NLRP1: variants seen among roughly 807,000 people sequenced by gnomAD.
NLRP1 encodes the protein NLR family pyrin domain containing 1, also known as NACHT, LRR and PYD domains-containing protein 1.
NLRP1 carries 94 observed loss-of-function variants against 136.7 expected under a neutral mutation model. That is an observed-to-expected ratio of 0.69 (90% confidence interval 0.58 to 0.82). The LOEUF (loss-of-function observed/expected upper bound fraction) is 0.82, where lower values mean the gene tolerates loss of function less well. Ranked by LOEUF, NLRP1 falls within the 40% of genes least tolerant of loss-of-function variation. NLRP1 has a pLI of 0.00. For synonymous variants in NLRP1, 690 were observed against 725.1 expected (o/e 0.95, Z 0.78); for missense variants, 1,575 against 1,802.7 (o/e 0.87, Z 2.29).
Position 5,558,474 on chromosome 17 carries a change from A to C in NLRP1, c.2222T>G (p.Met741Arg), listed in dbSNP as rs780452954. The C allele has an allele frequency of 6.2e-7, 1 of 1,614,020 alleles. No homozygotes were observed. The highest frequency in any genetic ancestry group is 8.5e-7 in the Non-Finnish European group (1 of 1,180,000). ...LTQVMAHFEE[M>R]GMCVETDMEL... is the part of the protein sequence containing the mutation. The stretch of plus-strand genomic sequence containing the variant: ...CATGTCTGTTTCTACACACATGCCC[A>C]TTTCTTCGAAATGGGCCATCACTTG... The change falls in exon 4 of 17, where the codon ATG becomes AGG. Residue 741 changes from methionine to arginine, a missense_variant. Coordinates refer to ENST00000572272, the MANE Select transcript of NLRP1 (RefSeq NM_033004.4).
At chr17:5,506,211 G>A (rs1907326929) in intron 15 of NLRP1, among the ~76,000 whole-genome samples, 1 of 151,350 alleles carries the variant, frequency 6.6e-6, no homozygotes, top group South Asian at 2.1e-4. Flanking sequence ...TGGAACTTAA[G>A]AGGTGGAGGT....
At position 5,517,355 on chromosome 17, in the gene NLRP1, C is replaced by G. The variant is rs1269777402; in HGVS notation, c.4057+391G>C. Reference sequence around the variant, plus strand: ...ACTGTGATAGTGCACTCTGCACCCCCCCCCCTCCCACATACACAGACTTTC... The same window carrying G: ...ACTGTGATAGTGCACTCTGCACCCCGCCCCCTCCCACATACACAGACTTTC... On this transcript the variant is annotated intron_variant, in intron 15 of 16. Coordinates refer to ENST00000572272, the MANE Select transcript of NLRP1 (RefSeq NM_033004.4). 4.8e-5 allele frequency among the ~76,000 whole-genome samples: 4 copies of G among 84,010 alleles called. No individual in the cohort carries two copies. The Middle Eastern group carries it at 0.014, about 294-fold the overall frequency. 55.1% of individuals were successfully genotyped at this position (84,010 alleles called of 152,430 possible).
chr17:5,512,852 A>G (rs1408392584), downstream of NLRP1, among the ~76,000 whole-genome samples: 2 of 152,228 alleles, frequency 1.3e-5, no homozygotes, highest in African/African-American at 4.8e-5. Context: ...TTTCATTGCC[A>G]TCTTGGCTTT....
intron 15 of NLRP1, chr17:5,502,105 C>T: frequency 4.2e-6 from 2 of 475,298 alleles, no homozygotes; most frequent in South Asian, 2.0e-5. Flanking sequence ...TCTTGCATGG[C>T]CAGAGCCTAC....
In NLRP1 at chr17:5,577,971, C is replaced by A. The variant is rs945319440; in HGVS notation, c.652+3888G>T. Among the ~76,000 whole-genome samples, 6 of 152,196 alleles carry A rather than the reference C, an allele frequency of 3.9e-5. No homozygotes were observed. The East Asian group carries it at 9.6e-4, about 24-fold the overall frequency. On this transcript the variant is annotated intron_variant, in intron 3 of 16. Coordinates refer to ENST00000572272, the MANE Select transcript of NLRP1 (RefSeq NM_033004.4). ...AATAATACCACACATCTACAACCAT[C>A]TGATCTTTGACAAACCTGACAAAAA...
Position 5,583,823 on chromosome 17 carries a change from T to C in NLRP1, c.135A>G (p.Pro45=), listed in dbSNP as rs140648952. 1.3e-6 allele frequency: 2 copies of C among 1,563,784 alleles called. No homozygotes were observed. Among genetic ancestry groups the C allele is most frequent in the Admixed American group, 3.8e-5 (2 of 52,842 alleles). ...RSSSGETPAQ[P]EKTSGMEVAS... ...CCACCTCCATGCCACTCGTCTTCTC[T>C]GGCTGAGCGGGTGTCTCACCCGAAG... The change falls in exon 1 of 17, where the codon CCA becomes CCG. Residue 45 remains proline (P), a synonymous_variant. Transcript: ENST00000572272. This position sits in a 1 kb window ranked among gnomAD's most constrained non-coding sequence, Gnocchi z 4.5.
At chr17:5,506,284 CAA>C (rs201536042) in intron 15 of NLRP1, among the ~76,000 whole-genome samples, 41,770 of 126,910 alleles carry the variant, frequency 0.33, 7,080 homozygotes, top group African/African-American at 0.53. Context: ...AAGTCTGTCT[CAA>C]AAAAAAAAAA....
chr17:5,562,091 G>A (rs925243050), intron 3 of NLRP1, among the ~76,000 whole-genome samples: 6 of 152,182 alleles, frequency 3.9e-5, no homozygotes, highest in Non-Finnish European at 7.3e-5. Context: ...CAGATGGCAG[G>A]GTGGGTGACT....
intron 8 of NLRP1, among the ~76,000 whole-genome samples, chr17:5,534,244 C>T (rs1351914605): frequency 6.6e-6 from 1 of 152,108 alleles, no homozygotes; most frequent in African/African-American, 2.4e-5. Flanking sequence ...GTGGCATGCA[C>T]CTGTATCCCA....
At position 5,583,661 on chromosome 17, in the gene NLRP1, G is replaced by C; in HGVS notation, c.271+26C>G. On this transcript the variant is annotated intron_variant, in intron 1 of 16. Transcript: ENST00000572272. The surrounding 1 kb of genome is among the most constrained non-coding windows in gnomAD (Gnocchi z 4.5). ...CATGAGGGCCAGGGGATGTCCCGCG[G>C]GCAGTGGGGTCCTCTGTCCACTCAC... 3 of 1,545,468 alleles carry C rather than the reference G, an allele frequency of 1.9e-6. No individual in the cohort carries two copies. The highest frequency in any genetic ancestry group is 2.6e-6 in the Non-Finnish European group (3 of 1,143,812).
chr17:5,555,151 G>A (rs770146703), intron 4 of NLRP1, among the ~76,000 whole-genome samples: 8 of 151,582 alleles, frequency 5.3e-5, no homozygotes, highest in Non-Finnish European at 1.0e-4. Context: ...TTTTATTTCC[G>A]TTGGCATTTG....
intron 3 of NLRP1, among the ~76,000 whole-genome samples, chr17:5,569,344 G>C (rs1392664275): frequency 6.6e-6 from 1 of 152,116 alleles, no homozygotes; most frequent in Non-Finnish European, 1.5e-5. Context: ...CAATAAAGAA[G>C]CATGGCCCAA....
In NLRP1 at chr17:5,559,938, T is replaced by A. The variant is rs1238949349; in HGVS notation, c.758A>T (p.His253Leu). The A allele has an allele frequency of 6.2e-7, 1 of 1,614,154 alleles. No homozygotes were observed. The highest frequency in any genetic ancestry group is 8.5e-7 in the Non-Finnish European group (1 of 1,179,996). ...QAHTSLQPHHHPWEPSVRESL... is the reference protein window; with the variant it reads ...QAHTSLQPHHLPWEPSVRESL... ...CTCTCTCACAGAAGGCTCCCATGGGTGGTGGTGGGGCTGTAGGCTGGTGTG... is the reference window on the plus strand; with the variant it reads ...CTCTCTCACAGAAGGCTCCCATGGGAGGTGGTGGGGCTGTAGGCTGGTGTG... Residue 253 changes from histidine (H) to leucine (L), a missense_variant, in exon 4 of 17, where the codon CAC becomes CTC. Coordinates refer to ENST00000572272, the MANE Select transcript of NLRP1 (RefSeq NM_033004.4).
downstream of NLRP1, among the ~76,000 whole-genome samples, chr17:5,512,778 G>A (rs575870696): frequency 2.5e-4 from 38 of 152,274 alleles, 1 homozygote; most frequent in Admixed American, 2.5e-3. Flanking sequence ...ACAACTGCTG[G>A]AGCTGGTCCT....
intron 4 of NLRP1, 147 bp from the exon 5 acceptor site, chr17:5,553,703 C>A (rs1913669418): frequency 1.8e-6 from 1 of 556,320 alleles, no homozygotes; most frequent in Non-Finnish European, 3.0e-6. Context: ...CCAGCCCTCC[C>A]TGCCTGTCTG....
chr17:5,553,645 T>A, intron 4 of NLRP1, 89 bp from the exon 5 acceptor site: 1 of 1,247,726 alleles, frequency 8.0e-7, no homozygotes, highest in Non-Finnish European at 1.1e-6. Context: ...TTGGGCTTTG[T>A]CCCCCTGAGC....
intron 12 of NLRP1, among the ~76,000 whole-genome samples, chr17:5,529,291 A>C (rs74707672): frequency 2.0e-5 from 2 of 102,164 alleles, no homozygotes; most frequent in African/African-American, 3.9e-5. Flanking sequence ...TTTCCCTTCT[A>C]TCTTATCTTT....
chr17:5,539,857 G>A (rs989465284), intron 6 of NLRP1, among the ~76,000 whole-genome samples: 2 of 152,166 alleles, frequency 1.3e-5, no homozygotes, highest in African/African-American at 4.8e-5. Context: ...CCACATTGAT[G>A]AGTAACTTAC....
At chr17:5,582,625 T>A in intron 2 of NLRP1, 45 bp downstream of exon 2, 1 of 1,587,398 alleles carries the variant, frequency 6.3e-7, no homozygotes, top group Non-Finnish European at 8.6e-7. Flanking sequence ...ACCAGCTGAT[T>A]CACAGCTCCA....
Sources: allele counts gnomAD v4.1 joint callset (sites outside exome capture counted in the v4.1 genomes callset), GRCh38; gene constraint gnomAD v4.1.1; non-coding constraint Gnocchi (gnomAD v3.1); transcripts MANE v1.5; gene names NCBI Gene and HGNC (gene_info 2026-07-23, HGNC 2026-07-21).